The following PTCHD4 variants were observed in gnomAD, a reference collection of about 807,000 sequenced individuals.
The protein encoded by PTCHD4 is patched domain-containing protein 4.
PTCHD4 carries 33 observed loss-of-function variants against 58.1 expected under a neutral mutation model. The ratio of observed to expected loss-of-function variants is 0.57; its 90% confidence interval spans 0.43 to 0.76. The LOEUF (loss-of-function observed/expected upper bound fraction) is 0.76. Ranked by LOEUF, PTCHD4 falls within the 30% of genes least tolerant of loss-of-function variation. The pLI is 0.00. For missense variants in PTCHD4, 1,058 were observed against 1,027.1 expected (o/e 1.03, Z -0.41); for synonymous variants, 478 against 409.6 (o/e 1.17, Z -2.02).
At chr6:47,992,840 T>C (rs1254694386) in intron 4 of PTCHD4, among the ~76,000 whole-genome samples, 1 of 152,128 alleles carries the variant, frequency 6.6e-6, no homozygotes, top group African/African-American at 2.4e-5. Flanking sequence ...CTACCCAGAA[T>C]AGAGTGAAGA....
rs1763478340 is a variant in PTCHD4 at position 47,863,364 on chromosome 6, C to A, written c.*14939G>T. 6.6e-6 allele frequency among the ~76,000 whole-genome samples: 1 copy of A among 151,898 alleles called. No homozygotes were observed. Among genetic ancestry groups the A allele is most frequent in the Admixed American group, 6.6e-5 (1 of 15,214 alleles). Reference sequence around the variant, plus strand: ...TCAGAAATTTAAGCTTCATTAGCTACATGCTACACTTGCATATCCCACATG... The same window carrying A: ...TCAGAAATTTAAGCTTCATTAGCTAAATGCTACACTTGCATATCCCACATG... On this transcript the variant is annotated 3_prime_UTR_variant, in exon 5 of 5. Coordinates refer to ENST00000339488, the MANE Select transcript of PTCHD4 (RefSeq NM_001384253.1).
chr6:48,037,161 T>C (rs1374160013), intron 3 of PTCHD4, among the ~76,000 whole-genome samples: 3 of 152,020 alleles, frequency 2.0e-5, no homozygotes, highest in East Asian at 3.9e-4. Flanking sequence ...GACTAGAGAG[T>C]GAGTATAGTG....
intron 4 of PTCHD4, among the ~76,000 whole-genome samples, chr6:47,965,376 G>T (rs1767247088): frequency 6.6e-6 from 1 of 152,160 alleles, no homozygotes; most frequent in South Asian, 2.1e-4. Flanking sequence ...AGTTTTAAAA[G>T]CATCTGTGTA....
At chr6:48,030,657 T>C (rs1197608925) in intron 3 of PTCHD4, among the ~76,000 whole-genome samples, 2 of 152,110 alleles carry the variant, frequency 1.3e-5, no homozygotes, top group African/African-American at 2.4e-5. Flanking sequence ...CAATTCAAAC[T>C]GCAAGTCAGA....
At chr6:48,037,098 G>A (rs910531417) in intron 3 of PTCHD4, among the ~76,000 whole-genome samples, 3 of 152,112 alleles carry the variant, frequency 2.0e-5, no homozygotes, top group African/African-American at 7.2e-5. Context: ...CAATGACTGT[G>A]CAATTCACCT....
intron 4 of PTCHD4, among the ~76,000 whole-genome samples, chr6:47,979,927 A>G (rs1767819921): frequency 6.6e-6 from 1 of 152,074 alleles, no homozygotes; most frequent in Non-Finnish European, 1.5e-5. Flanking sequence ...TTTACTTACT[A>G]AATCTGCTCT....
At chr6:48,039,720 T>C (rs1409572646) in intron 3 of PTCHD4, among the ~76,000 whole-genome samples, 1 of 152,126 alleles carries the variant, frequency 6.6e-6, no homozygotes, top group Non-Finnish European at 1.5e-5. Flanking sequence ...AAATGTGTAA[T>C]AATATGTGGA....
chr6:47,899,460 G>A, intron 4 of PTCHD4: 2 of 319,060 alleles, frequency 6.3e-6, no homozygotes, highest in Non-Finnish European at 9.1e-6. Context: ...ATGTTGTATA[G>A]CTGTTGAAGA....
chr6:47,997,278 T>C (rs1768532895), intron 4 of PTCHD4, among the ~76,000 whole-genome samples: 1 of 152,178 alleles, frequency 6.6e-6, no homozygotes, highest in Admixed American at 6.5e-5. Flanking sequence ...AAAAGTAGTT[T>C]TACCTAATTT....
intron 4 of PTCHD4, among the ~76,000 whole-genome samples, chr6:47,953,402 A>G (rs891367403): frequency 1.3e-5 from 2 of 152,194 alleles, no homozygotes; most frequent in Non-Finnish European, 2.9e-5. Flanking sequence ...TTTAATCAAG[A>G]TGTCATCTTT....
intron 3 of PTCHD4, among the ~76,000 whole-genome samples, chr6:48,011,529 T>A (rs1762675462): frequency 6.6e-6 from 1 of 152,250 alleles, no homozygotes; most frequent in African/African-American, 2.4e-5. Flanking sequence ...GGTTGCCTGT[T>A]CACTTTGATG....
At position 47,879,273 on chromosome 6, in the gene PTCHD4, T is replaced by C; in HGVS notation, c.1562A>G (p.Tyr521Cys). Residue 521 changes from tyrosine (Y) to cysteine (C), a missense_variant, in exon 5 of 5, where the codon TAT becomes TGT. Transcript: ENST00000339488. ...NYSPVIGFYV[Y>C]EPLEYWNSSV... ...GCTGTTCCAGTACTCTAGGGGCTCA[T>C]AGACGTAGAATCCTATCACAGGGCT... 1.2e-6 allele frequency: 2 copies of C among 1,612,764 alleles called. No homozygotes were observed. Among genetic ancestry groups the C allele is most frequent in the Non-Finnish European group, 1.7e-6 (2 of 1,179,362 alleles).
In PTCHD4 at chr6:48,068,490, A is replaced by G. The variant is rs1764880428; in HGVS notation, c.157T>C (p.Phe53Leu). Residue 53 changes from phenylalanine (F) to leucine (L), a missense_variant, in exon 3 of 5, where the codon TTC (phenylalanine) becomes CTC (leucine). Coordinates refer to ENST00000339488, the MANE Select transcript of PTCHD4 (RefSeq NM_001384253.1). This position sits in a 1 kb window ranked among gnomAD's most constrained non-coding sequence, Gnocchi z 4.2. ...LTVPAVLTIT[F>L]GLSALNRFQP... is the part of the protein sequence containing the mutation. Reference sequence around the variant, plus strand: ...AAGCGGTTGAGCGCGCTGAGGCCGAAGGTGATTGTCAGGACTGCGGGCACG... The same window carrying G: ...AAGCGGTTGAGCGCGCTGAGGCCGAGGGTGATTGTCAGGACTGCGGGCACG... The G allele has an allele frequency of 1.2e-6, 2 of 1,613,480 alleles. No homozygotes were observed. The highest frequency in any genetic ancestry group is 3.3e-4 in the Middle Eastern group (2 of 6,060).
intron 3 of PTCHD4, among the ~76,000 whole-genome samples, chr6:48,039,342 G>A (rs1245620865): frequency 6.6e-6 from 1 of 152,050 alleles, no homozygotes; most frequent in Non-Finnish European, 1.5e-5. Flanking sequence ...AGGAAAAACA[G>A]GATCATCTTA....
chr6:48,023,637 CTCT>C (rs1218504883), intron 3 of PTCHD4, among the ~76,000 whole-genome samples: 1 of 152,134 alleles, frequency 6.6e-6, no homozygotes, highest in Non-Finnish European at 1.5e-5. Flanking sequence ...GGAAATTGCA[CTCT>C]TCTTTTAGGT....
At position 47,879,417 on chromosome 6, in the gene PTCHD4, G is replaced by T. The variant is rs1763950754; in HGVS notation, c.1418C>A (p.Ser473Tyr). 6.2e-7 allele frequency: 1 copy of T among 1,613,540 alleles called. No homozygotes were observed. Among genetic ancestry groups the T allele is most frequent in the Admixed American group, 1.7e-5 (1 of 59,902 alleles). Residue 473 changes from serine to tyrosine, a missense_variant, in exon 5 of 5, where the codon TCC (serine) becomes TAC (tyrosine). Physicochemically the swap from Ser to Tyr is moderately radical, Grantham distance 144. Transcript: ENST00000339488. ...CTGTAAGCACCCCATGAAGGAGAAG[G>T]AGGCATAAATGAGATAGAGGATGAC... ...FVVILYLIYA[S>Y]FSFMGCLQIS...
chr6:48,102,163 T>C (rs1765617852), intron 1 of PTCHD4, among the ~76,000 whole-genome samples: 1 of 152,220 alleles, frequency 6.6e-6, no homozygotes, highest in Non-Finnish European at 1.5e-5. Flanking sequence ...AGCTGGGATG[T>C]AGCAAACTCC....
intron 1 of PTCHD4, among the ~76,000 whole-genome samples, chr6:48,090,075 C>T (rs1181807130): frequency 2.0e-5 from 3 of 152,078 alleles, no homozygotes; most frequent in Admixed American, 6.5e-5. Flanking sequence ...TATATTAGTT[C>T]TTAACATAAT....
intron 4 of PTCHD4, among the ~76,000 whole-genome samples, chr6:47,897,921 C>T (rs535921881): frequency 8.2e-4 from 121 of 147,866 alleles, no homozygotes; most frequent in Non-Finnish European, 1.4e-3. Context: ...TCATTTCATC[C>T]TTTCTTTTTT....
Sources: allele counts gnomAD v4.1 joint callset (sites outside exome capture counted in the v4.1 genomes callset), GRCh38; gene constraint gnomAD v4.1.1; non-coding constraint Gnocchi (gnomAD v3.1); transcripts MANE v1.5; gene names NCBI Gene and HGNC (gene_info 2026-07-23, HGNC 2026-07-21).